The following NUP205 variants were observed in gnomAD, a reference collection of about 807,000 sequenced individuals.
NUP205 encodes the protein nuclear pore complex protein Nup205.
A neutral mutation model predicts 253.8 loss-of-function variants in NUP205; 76 were observed. That is an observed-to-expected ratio of 0.30 (90% confidence interval 0.25 to 0.36). The LOEUF is 0.36. Among genes scored for constraint, NUP205 ranks in the 10% least tolerant of loss-of-function variants. The pLI, the probability that NUP205 is intolerant of heterozygous loss-of-function variation, is 1.00. For missense variants in NUP205, 2,162 were observed against 2,425.5 expected, an observed-to-expected ratio of 0.89 and a Z score of 2.28; for synonymous variants, 832 against 850.1, an observed-to-expected ratio of 0.98 and a Z score of 0.37.
chr7:135,586,653 A>G (rs572342300), intron 8 of NUP205, among the ~76,000 whole-genome samples: 29 of 152,208 alleles, frequency 1.9e-4, no homozygotes, highest in African/African-American at 6.7e-4. Flanking sequence ...TATGTTTTCT[A>G]ATTTTCCTTG....
At chr7:135,630,660 A>C (rs993349649) in intron 35 of NUP205, among the ~76,000 whole-genome samples, 190 bp downstream of exon 35, 7 of 152,182 alleles carry the variant, frequency 4.6e-5, no homozygotes, top group Non-Finnish European at 7.3e-5. Context: ...GTGGTGGCTC[A>C]TGCCTGTGAT....
At chr7:135,592,748 G>A (rs576864843) in intron 11 of NUP205, among the ~76,000 whole-genome samples, 4 of 152,262 alleles carry the variant, frequency 2.6e-5, no homozygotes, top group South Asian at 2.1e-4. Context: ...TTAGCAAGGC[G>A]TTGTGGTGCA....
At chr7:135,643,387 CTT>C in intron 39 of NUP205, 29 bp downstream of exon 39, 1 of 1,594,498 alleles carries the variant, frequency 6.3e-7, no homozygotes, top group Non-Finnish European at 8.6e-7. Context: ...GCTGGGGGGA[CTT>C]GAGAAATCAT....
chr7:135,581,495 A>G (rs911069750), intron 7 of NUP205, among the ~76,000 whole-genome samples: 5 of 152,012 alleles, frequency 3.3e-5, no homozygotes, highest in African/African-American at 1.2e-4. Flanking sequence ...TAGTGAGCTG[A>G]AATTGCTCCA....
In NUP205 at chr7:135,604,254, G is replaced by A. The variant is rs1050379812; in HGVS notation, c.2703-86G>A. 1.2e-5 allele frequency: 14 copies of A among 1,159,044 alleles called. No individual in the cohort carries two copies. In the East Asian group the frequency reaches 2.5e-4, roughly 21 times the overall value. The allele number at this position is 1,159,044 out of a possible 1,614,324, so 71.8% of individuals were successfully genotyped here. A position where few individuals can be genotyped will look rare whatever the true frequency, so the allele number is the denominator to read the frequency against. On this transcript the variant is annotated intron_variant, in intron 18 of 42. Transcript: ENST00000285968. ...TTGAAGTGCTGTATGGGCAGGGGAA[G>A]CCCTGGTTCTAAATTTTCTTTATTG... is the stretch of plus-strand genomic sequence containing the variant.
chr7:135,583,375 C>T (rs1806362923), intron 7 of NUP205, among the ~76,000 whole-genome samples: 1 of 152,100 alleles, frequency 6.6e-6, no homozygotes, highest in South Asian at 2.1e-4. Flanking sequence ...ACACCATAAC[C>T]TATGACATAC....
At position 135,593,831 on chromosome 7, in the gene NUP205, A is replaced by T. The variant is rs1246436788; in HGVS notation, c.1830+639A>T. Among the ~76,000 whole-genome samples, 5 of 152,290 alleles carry T rather than the reference A, an allele frequency of 3.3e-5. No homozygotes were observed. The East Asian group carries it at 9.6e-4, about 29-fold the overall frequency. On this transcript the variant is annotated intron_variant, in intron 12 of 42. Transcript: ENST00000285968. ...CTCACTGAATTAAAATGGAAATGGG[A>T]GGGGAGGATAGGGAAAGGTTGGTTA...
chr7:135,644,339 T>C (rs1046972610), intron 39 of NUP205, among the ~76,000 whole-genome samples: 2 of 152,202 alleles, frequency 1.3e-5, no homozygotes, highest in Non-Finnish European at 2.9e-5. Context: ...TAAGAGGAAT[T>C]GCATCATCAT....
Position 135,628,046 on chromosome 7 carries a change from G to T in NUP205, c.4867G>T (p.Ala1623Ser), listed in dbSNP as rs150977215. 4.8e-4 allele frequency: 780 copies of T among 1,610,986 alleles called. 13 individuals carry two copies. In the East Asian group the frequency reaches 0.017, roughly 36 times the overall value. ...TCGCTACCGCCAGATTCTCCTCCCA[G>T]CTCTCCAGCTGTGCCAGGTCATCCT... ...VDRYRQILLP[A>S]LQLCQVILTS... The change falls in exon 34 of 43, where the codon GCT (alanine) becomes TCT (serine). Residue 1623 changes from alanine to serine, a missense_variant. Physicochemically the swap from Ala to Ser is moderately conservative, Grantham distance 99. Transcript: ENST00000285968.
At chr7:135,631,543 G>A (rs1186507055) in intron 35 of NUP205, among the ~76,000 whole-genome samples, 2 of 152,036 alleles carry the variant, frequency 1.3e-5, no homozygotes, top group Non-Finnish European at 2.9e-5. Flanking sequence ...ACCCTCAGAT[G>A]ATGTTTGCTT....
chr7:135,612,130 G>A (rs941934211), intron 22 of NUP205, among the ~76,000 whole-genome samples: 7 of 151,588 alleles, frequency 4.6e-5, no homozygotes, highest in African/African-American at 1.5e-4. Context: ...AAAAAAAACA[G>A]AAGAAAAAAA....
At chr7:135,558,129 T>C in intron 1 of NUP205, 157 bp downstream of exon 1, 1 of 686,262 alleles carries the variant, frequency 1.5e-6, no homozygotes, top group Non-Finnish European at 2.7e-6. Context: ...CTCCCCAGTT[T>C]GAATGGCGCG....
intron 13 of NUP205, among the ~76,000 whole-genome samples, chr7:135,595,052 G>A (rs1793792865): frequency 6.6e-6 from 1 of 152,018 alleles, no homozygotes; most frequent in South Asian, 2.1e-4. Context: ...GCTGCTGTAA[G>A]CCCTCACAAA....
intron 31 of NUP205, among the ~76,000 whole-genome samples, chr7:135,624,570 A>G (rs1399927149): frequency 6.6e-6 from 1 of 151,670 alleles, no homozygotes; most frequent in East Asian, 1.9e-4. Context: ...GTAGAGATGG[A>G]GTTTCACCAT....
chr7:135,596,872 G>C (rs1793848715), intron 13 of NUP205, among the ~76,000 whole-genome samples: 2 of 151,220 alleles, frequency 1.3e-5, no homozygotes, highest in South Asian at 4.2e-4. Flanking sequence ...CAGGAGAATT[G>C]CTTGAGCCCA....
At chr7:135,636,283 TACA>T (rs1367099543) in intron 36 of NUP205, among the ~76,000 whole-genome samples, 1 of 152,214 alleles carries the variant, frequency 6.6e-6, no homozygotes, top group African/African-American at 2.4e-5. Flanking sequence ...TTGTTTTTGA[TACA>T]ACAATTTTCT....
At chr7:135,562,666 G>C (rs1174841322) in intron 1 of NUP205, among the ~76,000 whole-genome samples, 1 of 148,108 alleles carries the variant, frequency 6.8e-6, no homozygotes, top group Non-Finnish European at 1.5e-5. Context: ...TCTTGCCTCA[G>C]CCTCCTGAGT....
At chr7:135,566,637 C>G (rs904502165) in intron 1 of NUP205, among the ~76,000 whole-genome samples, 3 of 152,194 alleles carry the variant, frequency 2.0e-5, no homozygotes, top group Admixed American at 1.3e-4. Flanking sequence ...CTTCCCTAAT[C>G]TTCAGATTAG....
chr7:135,607,686 T>TC (rs1433338848), intron 22 of NUP205, among the ~76,000 whole-genome samples: 1 of 152,214 alleles, frequency 6.6e-6, no homozygotes, highest in East Asian at 1.9e-4. Flanking sequence ...GACCTCTGGT[T>TC]CCCATCTCTG....
Sources: gnomAD v4.1 joint callset for allele counts (sites outside exome capture counted in the v4.1 genomes callset) on GRCh38, gnomAD v4.1.1 for gene constraint, MANE v1.5 for transcripts, NCBI Gene and HGNC (gene_info 2026-07-23, HGNC 2026-07-21) for gene names.